Variants in USP34 observed in about 807,000 individuals in gnomAD.
The protein encoded by USP34 is ubiquitin carboxyl-terminal hydrolase 34.
Under a neutral mutation model 460.3 loss-of-function variants are expected in USP34, and 70 were observed. That is an observed-to-expected ratio of 0.15 (90% CI 0.13 to 0.19). The LOEUF (loss-of-function observed/expected upper bound fraction) is 0.19, where lower values mean the gene tolerates loss of function less well. Among genes scored for constraint, USP34 ranks in the 10% least tolerant of loss-of-function variants. The pLI, the probability that USP34 is intolerant of heterozygous loss-of-function variation, is 1.00. For synonymous variants in USP34, 1,647 were observed against 1,405.3 expected, an observed-to-expected ratio of 1.17 and a Z score of -3.85; for missense variants, 3,985 against 4,236.2, an observed-to-expected ratio of 0.94 and a Z score of 1.65.
intron 57 of USP34, among the ~76,000 whole-genome samples, chr2:61,234,074 T>G (rs1269196433): frequency 6.6e-6 from 1 of 152,180 alleles, no homozygotes; most frequent in East Asian, 1.9e-4. Flanking sequence ...TTATTGAAGT[T>G]GAGGAACAGG....
chr2:61,314,743 A>T lies in USP34; in HGVS notation c.3384T>A (p.Gly1128=). 2.5e-6 allele frequency: 4 copies of T among 1,576,584 alleles called. No individual in the cohort carries two copies. The highest frequency in any genetic ancestry group is 3.4e-6 in the Non-Finnish European group (4 of 1,166,174). Reference sequence around the variant, plus strand: ...CTTGCTCCTTCTCCAAACCTGTTTTACCTGAAAGCCAAATGTTTAGACACA... The same window carrying T: ...CTTGCTCCTTCTCCAAACCTGTTTTTCCTGAAAGCCAAATGTTTAGACACA... ...IQYINSYYIN[G]KTGLEKEQEF... Residue 1128 remains glycine, a splice_region_variant and synonymous_variant, in exon 25 of 80, where the codon GGT becomes GGA. Transcript: ENST00000398571.
intron 1 of USP34, among the ~76,000 whole-genome samples, chr2:61,437,439 A>C (rs887168917): frequency 2.0e-5 from 3 of 152,140 alleles, no homozygotes; most frequent in African/African-American, 7.2e-5. Context: ...AAATGAACAA[A>C]TTCCTGAACA....
intron 18 of USP34, 117 bp downstream of exon 18, chr2:61,339,234 A>T: frequency 1.0e-6 from 1 of 982,480 alleles, no homozygotes; most frequent in Non-Finnish European, 1.4e-6. Flanking sequence ...TTACTAAAAA[A>T]CAGATTAATA....
chr2:61,468,142 A>T (rs1695837645), intron 1 of USP34, among the ~76,000 whole-genome samples: 1 of 152,200 alleles, frequency 6.6e-6, no homozygotes, highest in Non-Finnish European at 1.5e-5. Flanking sequence ...AAAAAAAAAC[A>T]ACTTTTAATA....
At chr2:61,303,771 T>C (rs1690312667) in intron 27 of USP34, among the ~76,000 whole-genome samples, 1 of 151,990 alleles carries the variant, frequency 6.6e-6, no homozygotes, top group Admixed American at 6.5e-5. Context: ...TCATTTTTTG[T>C]ATTTTTAGTA....
chr2:61,348,224 T>C lies in USP34; in HGVS notation c.1931A>G (p.Asn644Ser), dbSNP rs1222426147. The change falls in exon 15 of 80, where the codon AAT becomes AGT. Residue 644 changes from asparagine to serine, a missense_variant. Transcript: ENST00000398571. The stretch of plus-strand genomic sequence containing the variant: ...GCCTGCTTGACTCTCTAACTTTCTA[T>C]TCCGAAGATCTGTACCACAACTGCT... ...PKSSCGTDLRNRKLESQAGIC... is the reference protein window; with the variant it reads ...PKSSCGTDLRSRKLESQAGIC... 6.2e-7 allele frequency: 1 copy of C among 1,614,222 alleles called. No homozygotes were observed. The highest frequency in any genetic ancestry group is 1.7e-5 in the Admixed American group (1 of 60,026).
intron 3 of USP34, 139 bp downstream of exon 3, chr2:61,405,569 C>T: frequency 1.1e-6 from 1 of 894,162 alleles, no homozygotes; most frequent in Non-Finnish European, 1.6e-6. Context: ...AAGAAATGCT[C>T]TGGAGAAACA....
intron 29 of USP34, among the ~76,000 whole-genome samples, chr2:61,297,669 C>G (rs1028520688): frequency 3.3e-5 from 5 of 152,186 alleles, no homozygotes; most frequent in African/African-American, 1.2e-4. Flanking sequence ...TAGGGATATT[C>G]TATAAGCCTA....
chr2:61,290,856 C>T (rs1689829032), intron 33 of USP34, among the ~76,000 whole-genome samples: 1 of 152,036 alleles, frequency 6.6e-6, no homozygotes, highest in South Asian at 2.1e-4. Flanking sequence ...AACCAGAAAC[C>T]TCTTAACAGA....
chr2:61,336,147 T>C (rs568088049), intron 18 of USP34, among the ~76,000 whole-genome samples: 1,420 of 63,388 alleles, frequency 0.022, 13 homozygotes, highest in Middle Eastern at 0.11. Flanking sequence ...GTCCGCACAA[T>C]TTTTTTTTTT....
Position 61,470,684 on chromosome 2 carries a change from C to A in USP34, c.9G>T (p.Glu3Asp). The change falls in exon 1 of 80, where the codon GAG (glutamate) becomes GAT (aspartate). Residue 3 changes from glutamate (E) to aspartate (D), a missense_variant. Transcript: ENST00000398571. ...ACACCTCCACCAGGTCTGCGCAGTT[C>A]TCGCACATCGTTCGGCCGCCGCCCC... MCENCADLVEVLN... is the reference protein window; with the variant it reads MCDNCADLVEVLN... The A allele has an allele frequency of 6.3e-7, 1 of 1,593,788 alleles. No individual in the cohort carries two copies. Among genetic ancestry groups the A allele is most frequent in the Non-Finnish European group, 8.5e-7 (1 of 1,170,652 alleles).
intron 10 of USP34, among the ~76,000 whole-genome samples, chr2:61,365,996 G>A (rs1420241954): frequency 6.8e-6 from 1 of 148,026 alleles, no homozygotes; most frequent in South Asian, 2.2e-4. Context: ...CTGCTGCCCA[G>A]GCTGGGGTAC....
chr2:61,301,831 C>T (rs948370040), intron 27 of USP34, among the ~76,000 whole-genome samples: 2 of 152,082 alleles, frequency 1.3e-5, no homozygotes, highest in South Asian at 4.1e-4. Flanking sequence ...TTTTCCTTAC[C>T]GCCCAATCTA....
chr2:61,470,360 T>C (rs1558614658), intron 1 of USP34, among the ~76,000 whole-genome samples: 2 of 151,984 alleles, frequency 1.3e-5, no homozygotes, highest in South Asian at 4.1e-4. Flanking sequence ...ATTACTGCCT[T>C]CATTAATTGA....
chr2:61,265,555 G>T lies in USP34; in HGVS notation c.5620C>A (p.His1874Asn). 6.3e-7 allele frequency: 1 copy of T among 1,588,888 alleles called. No individual in the cohort carries two copies. Among genetic ancestry groups the T allele is most frequent in the African/African-American group, 1.3e-5 (1 of 74,368 alleles). ...CAGTAATCCCATTTATAAGGTGCAT[G>T]GGCTGCTGAAGAAAGAGGGAGGAAA... ...NWVMAQHMQS[H>N]APYKWDYWPH... is the part of the protein sequence containing the mutation. The change falls in exon 43 of 80, where the codon CAT (histidine) becomes AAT (asparagine). Residue 1874 changes from histidine (H) to asparagine (N), a missense_variant and splice_region_variant. His to Asn is a moderately conservative substitution (Grantham distance 68, BLOSUM62 1). This residue lies in a region of USP34 where 1,114 missense variants were observed against 1,122.5 expected (regional missense o/e 0.99). Transcript: ENST00000398571.
chr2:61,289,463 G>A (rs1056351115), intron 33 of USP34, among the ~76,000 whole-genome samples: 1 of 151,954 alleles, frequency 6.6e-6, no homozygotes, highest in Non-Finnish European at 1.5e-5. Flanking sequence ...ACAGCTGACT[G>A]GAAGCTCAAT....
At chr2:61,265,588 C>T (rs767622753) in intron 42 of USP34, 31 bp from the exon 43 acceptor site, 1 of 1,569,852 alleles carries the variant, frequency 6.4e-7, no homozygotes, top group Non-Finnish European at 8.6e-7. Context: ...AAAAGATCCC[C>T]CCCAAACAAA....
chr2:61,442,724 G>A (rs550188207), intron 1 of USP34, among the ~76,000 whole-genome samples: 90 of 152,182 alleles, frequency 5.9e-4, no homozygotes, highest in African/African-American at 2.2e-3. Context: ...CTACAAACAC[G>A]ACTACCATAT....
intron 1 of USP34, 64 bp from the exon 2 acceptor site, chr2:61,420,897 C>A: frequency 8.6e-7 from 1 of 1,168,558 alleles, no homozygotes; most frequent in South Asian, 1.5e-5. Flanking sequence ...GCCAACAGTT[C>A]AAAATAAAGC....
Sources: allele counts gnomAD v4.1 joint callset (sites outside exome capture counted in the v4.1 genomes callset), GRCh38; gene constraint gnomAD v4.1.1; regional missense constraint gnomAD v4.1.1; transcripts MANE v1.5; gene names NCBI Gene and HGNC (gene_info 2026-07-23, HGNC 2026-07-21).